The following SNX29 variants were observed in gnomAD, a reference collection of about 807,000 sequenced individuals.
The protein encoded by SNX29 is sorting nexin 29, also known as sorting nexin-29.
Under a neutral mutation model 102.1 loss-of-function variants are expected in SNX29, and 78 were observed. That is an observed-to-expected ratio of 0.76 (90% confidence interval 0.64 to 0.92). The LOEUF is 0.92. Ranked by LOEUF, SNX29 falls within the 40% of genes least tolerant of loss-of-function variation. SNX29 has a pLI of 0.00. For synonymous variants in SNX29, 580 were observed against 414.5 expected (o/e 1.40, Z -4.85); for missense variants, 1,280 against 1,061.7 (o/e 1.21, Z -2.86).
chr16:12,246,036 T>G (rs912685911), intron 14 of SNX29, among the ~76,000 whole-genome samples: 1 of 152,208 alleles, frequency 6.6e-6, no homozygotes, highest in African/African-American at 2.4e-5. Flanking sequence ...TCCTACCTGG[T>G]GTGTGGGAAG....
At chr16:12,144,579 A>G (rs2054986514) in intron 13 of SNX29, among the ~76,000 whole-genome samples, 1 of 152,220 alleles carries the variant, frequency 6.6e-6, no homozygotes, top group African/African-American at 2.4e-5. Context: ...GACGCAGCAA[A>G]GGTCCTCGCC....
chr16:12,568,373 G>A (rs1265000115), intron 20 of SNX29, 133 bp from the exon 21 acceptor site: 1 of 1,195,926 alleles, frequency 8.4e-7, no homozygotes, highest in Non-Finnish European at 1.2e-6. Flanking sequence ...GCACCAGTTA[G>A]AGGCAGATCC....
At chr16:12,514,534 G>A (rs890900959) in intron 19 of SNX29, among the ~76,000 whole-genome samples, 1 of 152,164 alleles carries the variant, frequency 6.6e-6, no homozygotes, top group Non-Finnish European at 1.5e-5. Flanking sequence ...GCGCCTCTGA[G>A]TATCAGCTTC....
chr16:12,115,524 G>GTGTGTGTGTGTGT (rs2053663956), intron 11 of SNX29, among the ~76,000 whole-genome samples: 1 of 105,106 alleles, frequency 9.5e-6, no homozygotes, highest in African/African-American at 4.1e-5. Flanking sequence ...TGTGTGTGTG[G>GTGTGTGTGTGTGT]TGCTGGGTAC....
intron 20 of SNX29, among the ~76,000 whole-genome samples, chr16:12,550,784 G>A (rs1452737699): frequency 7.0e-6 from 1 of 142,788 alleles, no homozygotes; most frequent in East Asian, 2.5e-4. Flanking sequence ...CTGAATAGCT[G>A]AGATAAGGAA....
At chr16:11,985,875 C>T (rs942609027) in intron 1 of SNX29, among the ~76,000 whole-genome samples, 2 of 151,230 alleles carry the variant, frequency 1.3e-5, no homozygotes, top group African/African-American at 4.9e-5. Flanking sequence ...CTCTGTCACC[C>T]AGGCTGGACT....
Position 12,391,389 on chromosome 16 carries a change from C to T in SNX29, c.1900-7057C>T, listed in dbSNP as rs368058174. 3.9e-5 allele frequency among the ~76,000 whole-genome samples: 6 copies of T among 152,300 alleles called. 1 individual carries two copies. Among genetic ancestry groups the T allele is most frequent in the Admixed American group, 1.3e-4 (2 of 15,298 alleles). On this transcript the variant is annotated intron_variant, in intron 16 of 20. Transcript: ENST00000566228. The stretch of plus-strand genomic sequence containing the variant: ...ATTTTTAAGCTGCATACTCTGATAG[C>T]CTGTTCAGAAGACAGTACTGTTACA...
At chr16:12,452,756 C>G (rs535210671) in intron 18 of SNX29, among the ~76,000 whole-genome samples, 1 of 152,050 alleles carries the variant, frequency 6.6e-6, no homozygotes, top group Non-Finnish European at 1.5e-5. Context: ...GGAGAGGAGC[C>G]GGGTGGTGAA....
intron 19 of SNX29, among the ~76,000 whole-genome samples, chr16:12,485,131 A>G (rs1362323795): frequency 3.3e-5 from 5 of 152,204 alleles, no homozygotes; most frequent in Non-Finnish European, 7.3e-5. Flanking sequence ...GTGACTCGGG[A>G]GGTTGTTCTC....
chr16:12,541,355 A>G (rs1597841767), intron 20 of SNX29, among the ~76,000 whole-genome samples: 1 of 151,750 alleles, frequency 6.6e-6, no homozygotes, highest in East Asian at 1.9e-4. Context: ...TTCATTCTTC[A>G]CAGAATTCCC....
intron 13 of SNX29, among the ~76,000 whole-genome samples, chr16:12,158,588 G>C (rs1237617406): frequency 1.3e-5 from 2 of 152,190 alleles, no homozygotes; most frequent in Non-Finnish European, 2.9e-5. Flanking sequence ...TGATTCATAA[G>C]TGCCTCACAG....
chr16:12,540,327 C>G (rs1007812272), intron 20 of SNX29, among the ~76,000 whole-genome samples: 9 of 152,112 alleles, frequency 5.9e-5, no homozygotes, highest in Non-Finnish European at 7.3e-5. Context: ...GACCACAGCT[C>G]TTATGATTAA....
rs1053208023 is a variant in SNX29 at position 12,570,838 on chromosome 16, G to A, written c.*2209G>A. 3 of 232,298 alleles carry A rather than the reference G, an allele frequency of 1.3e-5. No homozygotes were observed. The highest frequency in any genetic ancestry group is 2.6e-5 in the Non-Finnish European group (3 of 117,486). The allele number at this position is 232,298 out of a possible 1,614,324, so 14.4% of individuals were successfully genotyped here. A position where few individuals can be genotyped will look rare whatever the true frequency, so the allele number is the denominator to read the frequency against. ...GTGAGAAACAAGTATGCTCTCAGCTGGTATTGAACTGGTGGGAGAAACTGC... is the reference window on the plus strand; with the variant it reads ...GTGAGAAACAAGTATGCTCTCAGCTAGTATTGAACTGGTGGGAGAAACTGC... On this transcript the variant is annotated 3_prime_UTR_variant, in exon 21 of 21. Transcript: ENST00000566228.
chr16:12,447,930 A>C (rs774440470), intron 18 of SNX29, among the ~76,000 whole-genome samples: 2 of 152,142 alleles, frequency 1.3e-5, no homozygotes, highest in Non-Finnish European at 2.9e-5. Context: ...CAATGGGATA[A>C]AAACCTCCCC....
intron 20 of SNX29, among the ~76,000 whole-genome samples, chr16:12,554,065 A>C (rs1434305283): frequency 1.3e-5 from 2 of 152,182 alleles, no homozygotes; most frequent in Admixed American, 1.3e-4. Flanking sequence ...ACCTCAAATG[A>C]TCCTCTCACC....
At chr16:12,326,478 G>C (rs1004632529) in intron 15 of SNX29, among the ~76,000 whole-genome samples, 2 of 152,208 alleles carry the variant, frequency 1.3e-5, no homozygotes. Context: ...AACATGTCCG[G>C]TGTGATGGCC....
At position 12,174,339 on chromosome 16, in the gene SNX29, T is replaced by TTA. The variant is rs543462324; in HGVS notation, c.1596-25261_1596-25260dup. Among the ~76,000 whole-genome samples the TTA allele has an allele frequency of 1.4e-3, 216 of 152,304 alleles. 1 individual carries two copies. The highest frequency in any genetic ancestry group is 3.4e-3 in the Middle Eastern group (1 of 294). On this transcript the variant is annotated intron_variant, in intron 13 of 20. Coordinates refer to ENST00000566228, the MANE Select transcript of SNX29 (RefSeq NM_032167.5). ...AAGAGAGCAGGTGGTGGGTACACAG[T>TTA]TAGCCTAGTGACCTCTTTGACTGCA...
intron 11 of SNX29, chr16:12,088,185 G>A: frequency 2.2e-6 from 1 of 451,578 alleles, no homozygotes; most frequent in South Asian, 1.6e-5. Context: ...CAGGCAGAAA[G>A]CTAGAGAGAG....
intron 18 of SNX29, among the ~76,000 whole-genome samples, chr16:12,440,538 CT>C (rs1449931403): frequency 6.6e-6 from 1 of 152,170 alleles, no homozygotes; most frequent in Admixed American, 6.5e-5. Flanking sequence ...TATTTCTTCA[CT>C]CAGGTATTAA....
Sources: allele counts gnomAD v4.1 joint callset (sites outside exome capture counted in the v4.1 genomes callset), GRCh38; gene constraint gnomAD v4.1.1; transcripts MANE v1.5; gene names NCBI Gene and HGNC (gene_info 2026-07-23, HGNC 2026-07-21).